The following PROSER2 variants were observed in gnomAD, a reference collection of about 807,000 sequenced individuals.
The protein encoded by PROSER2 is proline and serine-rich protein 2.
Under a neutral mutation model 14.6 loss-of-function variants are expected in PROSER2, and 18 were observed. The ratio of observed to expected loss-of-function variants is 1.23; its 90% CI spans 0.85 to 1.83. The LOEUF (loss-of-function observed/expected upper bound fraction) is 1.83. PROSER2 is among the 40% of genes most tolerant of loss of function. The probability of loss-of-function intolerance (pLI) is 0.00; values close to 1 mark genes in which losing one functional copy is unlikely to be tolerated. For missense variants in PROSER2, 823 were observed against 629.8 expected (o/e 1.31, Z -3.28); for synonymous variants, 367 against 286.4 (o/e 1.28, Z -2.84).
intron 1 of PROSER2, among the ~76,000 whole-genome samples, chr10:11,845,811 C>T (rs915154186): frequency 6.6e-6 from 1 of 152,142 alleles, no homozygotes; most frequent in Non-Finnish European, 1.5e-5. Context: ...CAAGGGTGCC[C>T]ATCTGATACA....
chr10:11,847,453 T>C (rs1363918624), intron 1 of PROSER2, among the ~76,000 whole-genome samples: 1 of 152,242 alleles, frequency 6.6e-6, no homozygotes, highest in Non-Finnish European at 1.5e-5. Context: ...AGTCTCGCTC[T>C]GTCACCCAGG....
At position 11,869,315 on chromosome 10, in the gene PROSER2, C is replaced by T. The variant is rs7093288; in HGVS notation, c.392-175C>T. The T allele has an allele frequency of 6.5e-6, 4 of 619,182 alleles. No individual in the cohort carries two copies. The highest frequency in any genetic ancestry group is 2.8e-5 in the Admixed American group (1 of 35,604). The allele number at this position is 619,182 out of a possible 1,614,324, so 38.4% of individuals were successfully genotyped here. A position where few individuals can be genotyped will look rare whatever the true frequency, so the allele number is the denominator to read the frequency against. On this transcript the variant is annotated intron_variant, in intron 3 of 3. Transcript: ENST00000277570. This position sits in a 1 kb window ranked among gnomAD's most constrained non-coding sequence, Gnocchi z 4.4. Reference sequence around the variant, plus strand: ...AGCGTGAGGTCATGAGCATGACATACCACCTTCTCCTTCCCTAGTCCCAGG... The same window carrying T: ...AGCGTGAGGTCATGAGCATGACATATCACCTTCTCCTTCCCTAGTCCCAGG...
At chr10:11,846,710 G>C (rs1168873683) in intron 1 of PROSER2, among the ~76,000 whole-genome samples, 4 of 152,212 alleles carry the variant, frequency 2.6e-5, no homozygotes, top group African/African-American at 9.7e-5. Flanking sequence ...CATGGAGTCT[G>C]TCTAACTGCC....
At chr10:11,834,831 A>G (rs1833736967) in intron 1 of PROSER2, among the ~76,000 whole-genome samples, 1 of 151,566 alleles carries the variant, frequency 6.6e-6, no homozygotes, top group East Asian at 2.0e-4. Flanking sequence ...GGCTGGGCGC[A>G]GTGGCTCACG....
At chr10:11,827,756 G>T (rs1463304770) in intron 1 of PROSER2, among the ~76,000 whole-genome samples, 1 of 150,458 alleles carries the variant, frequency 6.6e-6, no homozygotes, top group Non-Finnish European at 1.5e-5. Context: ...ACAGCTCACT[G>T]CAGCCTCGAC....
At chr10:11,839,071 C>A (rs1022927239) in intron 1 of PROSER2, among the ~76,000 whole-genome samples, 3 of 151,942 alleles carry the variant, frequency 2.0e-5, no homozygotes, top group African/African-American at 7.3e-5. Context: ...GAAATAGAAC[C>A]AAAAACATAT....
At chr10:11,845,579 A>G (rs1350025341) in intron 1 of PROSER2, among the ~76,000 whole-genome samples, 1 of 150,774 alleles carries the variant, frequency 6.6e-6, no homozygotes, top group African/African-American at 2.4e-5. Flanking sequence ...GGTTAGGGAA[A>G]GCAACAGAGG....
In PROSER2 at chr10:11,870,646, C is replaced by T; in HGVS notation, c.*240C>T. ...AGGAATCTGGCCGAGGGCTTGTCTC[C>T]CTTTTCCCAAGAACTGAGAGAGAGA... is the stretch of plus-strand genomic sequence containing the variant. On this transcript the variant is annotated 3_prime_UTR_variant, in exon 4 of 4. Transcript: ENST00000277570. 2 of 447,622 alleles carry T rather than the reference C, an allele frequency of 4.5e-6. No individual in the cohort carries two copies. 27.7% of individuals were successfully genotyped at this position (447,622 alleles called of 1,614,324 possible). A position where few individuals can be genotyped will look rare whatever the true frequency, so the allele number is the denominator to read the frequency against.
In PROSER2 at chr10:11,830,028, A is replaced by C. The variant is rs1833670448; in HGVS notation, c.-82+6558A>C. ...CTGGCTAATTTTTGCATTTTAGTAG[A>C]GACGGGGTTTTGCCATGTTGGCCAT... is the stretch of plus-strand genomic sequence containing the variant. On this transcript the variant is annotated intron_variant, in intron 1 of 3. Transcript: ENST00000277570. This position sits in a 1 kb window ranked among gnomAD's most constrained non-coding sequence, Gnocchi z 4.5. 6.6e-6 allele frequency among the ~76,000 whole-genome samples: 1 copy of C among 151,624 alleles called. No individual in the cohort carries two copies. The highest frequency in any genetic ancestry group is 6.6e-5 in the Admixed American group (1 of 15,198).
At chr10:11,854,619 GTTT>G (rs11342646) in intron 2 of PROSER2, among the ~76,000 whole-genome samples, 35 of 146,360 alleles carry the variant, frequency 2.4e-4, no homozygotes, top group Admixed American at 7.5e-4. Context: ...CCTGCTGAAA[GTTT>G]TTTTTTTTTT....
chr10:11,823,809 T>A lies in PROSER2; in HGVS notation c.-82+339T>A, dbSNP rs144821865. ...AGCCTTGGGCGCAGAGGGTCCCCGC[T>A]GTCCCCACCGTCCGTCCCCCAACCC... On this transcript the variant is annotated intron_variant, in intron 1 of 3. Transcript: ENST00000277570. This position sits in a 1 kb window ranked among gnomAD's most constrained non-coding sequence, Gnocchi z 6.2. Among the ~76,000 whole-genome samples, 378 of 152,276 alleles carry A rather than the reference T, an allele frequency of 2.5e-3. No individual in the cohort carries two copies. Among genetic ancestry groups the A allele is most frequent in the Middle Eastern group, 6.8e-3 (2 of 294 alleles).
intron 1 of PROSER2, 26 bp from the exon 2 acceptor site, chr10:11,851,971 T>C (rs1403015585): frequency 1.1e-5 from 13 of 1,214,292 alleles, no homozygotes; most frequent in Non-Finnish European, 1.4e-5. Flanking sequence ...TTACTGACCA[T>C]TGTCATTCGT....
chr10:11,824,374 C>T (rs987724615), intron 1 of PROSER2, among the ~76,000 whole-genome samples: 2 of 152,192 alleles, frequency 1.3e-5, no homozygotes, highest in African/African-American at 2.4e-5. Flanking sequence ...AAGACCAAAC[C>T]AGGCGTACGT....
At chr10:11,864,431 CTA>C (rs1159576734) in intron 2 of PROSER2, among the ~76,000 whole-genome samples, 1 of 152,158 alleles carries the variant, frequency 6.6e-6, no homozygotes. Flanking sequence ...TGCGCTCTCT[CTA>C]TATACACAAC....
chr10:11,857,763 A>AAG (rs1371142150), intron 2 of PROSER2, among the ~76,000 whole-genome samples: 4 of 151,004 alleles, frequency 2.6e-5, no homozygotes, highest in Admixed American at 1.3e-4. Flanking sequence ...AAAAAAAAAA[A>AAG]AGAAACCCTA....
rs1007154224 is a variant in PROSER2 at position 11,865,852 on chromosome 10, T to A, written c.139-679T>A. 1.3e-5 allele frequency among the ~76,000 whole-genome samples: 2 copies of A among 152,136 alleles called. No homozygotes were observed. Among genetic ancestry groups the A allele is most frequent in the African/African-American group, 4.8e-5 (2 of 41,414 alleles). Reference sequence around the variant, plus strand: ...GAAAGAGACTTTCAAACAGTTCAGCTCTCTTCACCGTCACCTTGCCCACAC... The same window carrying A: ...GAAAGAGACTTTCAAACAGTTCAGCACTCTTCACCGTCACCTTGCCCACAC... On this transcript the variant is annotated intron_variant, in intron 2 of 3. Transcript: ENST00000277570. This position sits in a 1 kb window ranked among gnomAD's most constrained non-coding sequence, Gnocchi z 4.2.
chr10:11,832,617 AACTC>A (rs1230803019), intron 1 of PROSER2, among the ~76,000 whole-genome samples: 1 of 152,086 alleles, frequency 6.6e-6, no homozygotes, highest in Non-Finnish European at 1.5e-5. Context: ...TGTGTGTTTA[AACTC>A]ACTCCCCTCC....
At position 11,842,931 on chromosome 10, in the gene PROSER2, C is replaced by CTTTTTTTTTTT. The variant is rs558283551; in HGVS notation, c.-81-9049_-81-9039dup. ...TTTTCTATACTATTTTGCCATTGTT[C>CTTTTTTTTTTT]TTTTTTTTTTTTTTTTTTTTTTTTT... is the stretch of plus-strand genomic sequence containing the variant. On this transcript the variant is annotated intron_variant, in intron 1 of 3. Coordinates refer to ENST00000277570, the MANE Select transcript of PROSER2 (RefSeq NM_153256.4). Among the ~76,000 whole-genome samples, 99 of 51,950 alleles carry CTTTTTTTTTTT rather than the reference C, an allele frequency of 1.9e-3. 15 individuals carry two copies. Among genetic ancestry groups the CTTTTTTTTTTT allele is most frequent in the Middle Eastern group, 0.017 (1 of 60 alleles). The allele number at this position is 51,950 out of a possible 152,430, so 34.1% of individuals were successfully genotyped here. A position where few individuals can be genotyped will look rare whatever the true frequency, so the allele number is the denominator to read the frequency against.
At chr10:11,843,090 G>A (rs747118177) in intron 1 of PROSER2, among the ~76,000 whole-genome samples, 14 of 149,896 alleles carry the variant, frequency 9.3e-5, no homozygotes, top group East Asian at 2.0e-4. Context: ...ACAGGCGCCC[G>A]CCACCATGCC....
Sources: allele counts gnomAD v4.1 joint callset (sites outside exome capture counted in the v4.1 genomes callset), GRCh38; gene constraint gnomAD v4.1.1; non-coding constraint Gnocchi (gnomAD v3.1); transcripts MANE v1.5; gene names NCBI Gene and HGNC (gene_info 2026-07-23, HGNC 2026-07-21).